CABCOCO1: variants seen among roughly 807,000 people sequenced by gnomAD.
The protein encoded by CABCOCO1 is ciliary-associated calcium-binding coiled-coil protein 1.
CABCOCO1 carries 28 observed loss-of-function variants against 35.7 expected under a neutral mutation model. The ratio of observed to expected loss-of-function variants is 0.78; its 90% CI spans 0.58 to 1.07. The LOEUF (loss-of-function observed/expected upper bound fraction) is 1.07. CABCOCO1 is among the 50% of genes least tolerant of loss of function. The pLI is 0.00. For missense variants in CABCOCO1, 326 were observed against 309.2 expected (o/e 1.05, Z -0.41); for synonymous variants, 95 against 100.1 (o/e 0.95, Z 0.30).
At chr10:61,720,783 G>T (rs1490595780) in intron 5 of CABCOCO1, among the ~76,000 whole-genome samples, 5 of 151,944 alleles carry the variant, frequency 3.3e-5, no homozygotes, top group Non-Finnish European at 5.9e-5. Flanking sequence ...AAGACTTAAA[G>T]AACAGTCTAT....
chr10:61,696,843 A>G (rs1040108132), intron 5 of CABCOCO1, among the ~76,000 whole-genome samples: 1 of 152,038 alleles, frequency 6.6e-6, no homozygotes, highest in African/African-American at 2.4e-5. Flanking sequence ...CTTTGATAAA[A>G]TAAGAAAAAG....
At chr10:61,741,314 T>G (rs1841545018) in intron 5 of CABCOCO1, among the ~76,000 whole-genome samples, 3 of 152,150 alleles carry the variant, frequency 2.0e-5, no homozygotes, top group Admixed American at 6.5e-5. Flanking sequence ...TAAAAATAGA[T>G]TTAAGCTTCT....
At chr10:61,707,471 C>T (rs1456342563) in intron 5 of CABCOCO1, among the ~76,000 whole-genome samples, 3 of 152,164 alleles carry the variant, frequency 2.0e-5, no homozygotes, top group Admixed American at 2.0e-4. Flanking sequence ...TACTTATCAC[C>T]TGTGGATGTC....
At chr10:61,711,335 T>G (rs1218618652) in intron 5 of CABCOCO1, among the ~76,000 whole-genome samples, 1 of 152,038 alleles carries the variant, frequency 6.6e-6, no homozygotes, top group East Asian at 1.9e-4. Context: ...AAAGCAGGAT[T>G]GGTTTTATAA....
At position 61,733,658 on chromosome 10, in the gene CABCOCO1, T is replaced by C. The variant is rs538141901; in HGVS notation, c.553-26401T>C. ...CAATATAGTTTTGTCATTTTTTTCC[T>C]TTGCAACTAGACATTAAATTACTTT... is the stretch of plus-strand genomic sequence containing the variant. On this transcript the variant is annotated intron_variant, in intron 5 of 7. Coordinates refer to ENST00000648843, the MANE Select transcript of CABCOCO1 (RefSeq NM_001366906.2). Among the ~76,000 whole-genome samples the C allele has an allele frequency of 2.0e-5, 3 of 152,218 alleles. No homozygotes were observed. The South Asian group carries it at 6.2e-4, about 32-fold the overall frequency.
intron 5 of CABCOCO1, among the ~76,000 whole-genome samples, chr10:61,703,649 G>C (rs936682908): frequency 6.6e-6 from 1 of 151,758 alleles, no homozygotes; most frequent in African/African-American, 2.4e-5. Flanking sequence ...GTGCTTTTTG[G>C]TATCAGTTTA....
At chr10:61,764,351 A>T (rs549499325) in intron 7 of CABCOCO1, among the ~76,000 whole-genome samples, 1 of 152,196 alleles carries the variant, frequency 6.6e-6, no homozygotes, top group Admixed American at 6.5e-5. Flanking sequence ...ATAAGGCAGG[A>T]GTAACAGATT....
intron 5 of CABCOCO1, among the ~76,000 whole-genome samples, chr10:61,699,806 T>C (rs1840402097): frequency 6.6e-6 from 1 of 152,176 alleles, no homozygotes; most frequent in Admixed American, 6.6e-5. Flanking sequence ...AAGTGATATC[T>C]CAAGCAACCT....
chr10:61,686,103 C>A lies in CABCOCO1; in HGVS notation c.397C>A (p.Pro133Thr). 1.9e-6 allele frequency: 3 copies of A among 1,608,344 alleles called. No individual in the cohort carries two copies. The highest frequency in any genetic ancestry group is 1.1e-5 in the South Asian group (1 of 89,864). The change falls in exon 4 of 8, where the codon CCA (proline) becomes ACA (threonine). Residue 133 changes from proline (P) to threonine (T), a missense_variant. By Grantham distance (38) the Pro-to-Thr change is conservative. Transcript: ENST00000648843. ...WLGEVMAEIGPTHSQKSEDWN... is the reference protein window; with the variant it reads ...WLGEVMAEIGTTHSQKSEDWN... ...TGGAGAAGTTATGGCTGAAATAGGA[C>A]CAACACATTCGCAAAAGAGTGAGGA...
chr10:61,726,058 G>A (rs931875042), intron 5 of CABCOCO1, among the ~76,000 whole-genome samples: 18 of 152,118 alleles, frequency 1.2e-4, no homozygotes, highest in Non-Finnish European at 2.6e-4. Context: ...ATCTTAAATT[G>A]GGATTCCACT....
intron 5 of CABCOCO1, among the ~76,000 whole-genome samples, chr10:61,751,734 A>G (rs1841792847): frequency 6.6e-6 from 1 of 152,196 alleles, no homozygotes; most frequent in Admixed American, 6.5e-5. Context: ...GTAACATAAG[A>G]TACAACATCT....
rs576975806 is a variant in CABCOCO1, at chr10:61,720,085, A to G, written c.552+29464A>G. ...GAACGAATGGAATAAAAAATCATTC[A>G]AAGACATCATTGAAATAACATTTGG... is the stretch of plus-strand genomic sequence containing the variant. On this transcript the variant is annotated intron_variant, in intron 5 of 7. Transcript: ENST00000648843. Among the ~76,000 whole-genome samples the G allele has an allele frequency of 5.3e-5, 8 of 152,294 alleles. No individual in the cohort carries two copies. In the South Asian group the frequency reaches 1.7e-3, roughly 32 times the overall value.
chr10:61,702,512 A>C (rs1344602503), intron 5 of CABCOCO1, among the ~76,000 whole-genome samples: 7 of 152,228 alleles, frequency 4.6e-5, no homozygotes, highest in African/African-American at 1.7e-4. Flanking sequence ...ATAAATATAT[A>C]GCTGGCTCTA....
At chr10:61,693,810 G>T (rs1840219824) in intron 5 of CABCOCO1, among the ~76,000 whole-genome samples, 1 of 151,982 alleles carries the variant, frequency 6.6e-6, no homozygotes, top group African/African-American at 2.4e-5. Flanking sequence ...GCAAACCAGG[G>T]TGTAGGAGAT....
At chr10:61,699,561 G>A (rs954862050) in intron 5 of CABCOCO1, among the ~76,000 whole-genome samples, 3 of 151,992 alleles carry the variant, frequency 2.0e-5, no homozygotes, top group African/African-American at 4.8e-5. Context: ...GTATGAGGCT[G>A]TTCTTACTGC....
At chr10:61,681,426 T>C (rs1839788903) in intron 3 of CABCOCO1, 114 bp downstream of exon 3, 3 of 746,454 alleles carry the variant, frequency 4.0e-6, no homozygotes, top group Non-Finnish European at 6.1e-6. Context: ...AAATACGGGT[T>C]TTTCCTGAGT....
chr10:61,663,328 A>G (rs1839066877), intron 1 of CABCOCO1, among the ~76,000 whole-genome samples: 1 of 151,092 alleles, frequency 6.6e-6, no homozygotes, highest in Non-Finnish European at 1.5e-5. Context: ...AAACGCCCTC[A>G]TAACCACGCG....
At chr10:61,703,654 A>T (rs1383516694) in intron 5 of CABCOCO1, among the ~76,000 whole-genome samples, 2 of 151,926 alleles carry the variant, frequency 1.3e-5, no homozygotes, top group African/African-American at 4.8e-5. Context: ...TTTTGGTATC[A>T]GTTTATATGT....
Position 61,690,613 on chromosome 10 carries a change from G to C in CABCOCO1, c.544G>C (p.Gly182Arg). The change falls in exon 5 of 8, where the codon GGA becomes CGA. Residue 182 changes from glycine (G) to arginine (R), a missense_variant. Coordinates refer to ENST00000648843, the MANE Select transcript of CABCOCO1 (RefSeq NM_001366906.2). ...FYSAREEIVI[G>R]TEQVIEVVKS... ...CTCTGCCAGGGAAGAAATTGTGATAGGAACTGAGGTAAGTAATTTATCTAG... is the reference window on the plus strand; with the variant it reads ...CTCTGCCAGGGAAGAAATTGTGATACGAACTGAGGTAAGTAATTTATCTAG... 1 of 1,594,312 alleles carries C rather than the reference G, an allele frequency of 6.3e-7. No homozygotes were observed. Among genetic ancestry groups the C allele is most frequent in the Non-Finnish European group, 8.6e-7 (1 of 1,163,516 alleles).
Sources: gnomAD v4.1 joint callset for allele counts (sites outside exome capture counted in the v4.1 genomes callset) on GRCh38, gnomAD v4.1.1 for gene constraint, MANE v1.5 for transcripts, NCBI Gene and HGNC (gene_info 2026-07-23, HGNC 2026-07-21) for gene names.